Variants in MYO5B observed in about 807,000 individuals in gnomAD.
The protein encoded by MYO5B is myosin VB.
MYO5B carries 143 observed loss-of-function variants against 229.3 expected under a neutral mutation model. The observed-to-expected ratio is 0.62, with a 90% CI of 0.54 to 0.72. The LOEUF is 0.72. Among genes scored for constraint, MYO5B ranks in the 30% least tolerant of loss-of-function variants. The pLI, the probability that MYO5B is intolerant of heterozygous loss-of-function variation, is 0.00. For missense variants in MYO5B, 2,321 were observed against 2,331.0 expected (o/e 1.00, Z 0.09); for synonymous variants, 918 against 885.2 (o/e 1.04, Z -0.66).
chr18:50,150,275 C>T (rs531047557), intron 1 of MYO5B, among the ~76,000 whole-genome samples: 5 of 144,426 alleles, frequency 3.5e-5, no homozygotes, highest in South Asian at 4.8e-4. Context: ...GTCAGTGTGG[C>T]GATTCCTCAG....
intron 36 of MYO5B, among the ~76,000 whole-genome samples, chr18:49,838,901 A>G: frequency 6.6e-6 from 1 of 152,226 alleles, no homozygotes; most frequent in Non-Finnish European, 1.5e-5. Context: ...GGGAAAAAAT[A>G]CAACATATTA....
At chr18:49,908,982 G>A (rs768397709) in intron 18 of MYO5B, among the ~76,000 whole-genome samples, 3 of 152,196 alleles carry the variant, frequency 2.0e-5, no homozygotes, top group Non-Finnish European at 2.9e-5. Flanking sequence ...GCCTAACGAA[G>A]CAGCCCCCAG....
intron 1 of MYO5B, among the ~76,000 whole-genome samples, chr18:50,178,281 C>T (rs2033024710): frequency 1.3e-5 from 2 of 152,182 alleles, no homozygotes; most frequent in South Asian, 4.1e-4. Context: ...AGAATCAATG[C>T]CACTTCCCAC....
intron 2 of MYO5B, among the ~76,000 whole-genome samples, chr18:50,050,708 A>T (rs904311031): frequency 9.9e-5 from 15 of 152,182 alleles, no homozygotes; most frequent in Non-Finnish European, 2.9e-5. Context: ...ATTCTGAAAT[A>T]AGACAACAGT....
At chr18:50,176,932 A>T (rs1193103743) in intron 1 of MYO5B, among the ~76,000 whole-genome samples, 1 of 152,200 alleles carries the variant, frequency 6.6e-6, no homozygotes, top group Non-Finnish European at 1.5e-5. Context: ...GTTACATCTG[A>T]AGTCGTCTTA....
At chr18:49,898,966 T>A (rs982493764) in intron 21 of MYO5B, among the ~76,000 whole-genome samples, 2 of 152,210 alleles carry the variant, frequency 1.3e-5, no homozygotes, top group African/African-American at 2.4e-5. Context: ...ATCATGGTTA[T>A]CAGTGAATTT....
At chr18:49,857,114 G>T (rs2024272301) in intron 29 of MYO5B, among the ~76,000 whole-genome samples, 1 of 152,238 alleles carries the variant, frequency 6.6e-6, no homozygotes, top group Non-Finnish European at 1.5e-5. Context: ...GGTTCATGTG[G>T]TCTCATGTGG....
At chr18:50,141,321 C>T (rs1359813536) in intron 1 of MYO5B, among the ~76,000 whole-genome samples, 1 of 152,228 alleles carries the variant, frequency 6.6e-6, no homozygotes, top group African/African-American at 2.4e-5. Flanking sequence ...ATAAACCTCC[C>T]CTTAATTTAC....
chr18:50,193,564 A>T (rs549589936), intron 1 of MYO5B, among the ~76,000 whole-genome samples: 174 of 152,370 alleles, frequency 1.1e-3, no homozygotes, highest in African/African-American at 4.0e-3. Flanking sequence ...CGCGGAAGTG[A>T]CTGTTCCTAC....
intron 5 of MYO5B, among the ~76,000 whole-genome samples, chr18:49,994,523 G>T (rs967008032): frequency 2.6e-5 from 4 of 152,156 alleles, no homozygotes; most frequent in African/African-American, 9.7e-5. Flanking sequence ...AGTGTAGGGG[G>T]AGAAAGTACA....
intron 14 of MYO5B, among the ~76,000 whole-genome samples, chr18:49,938,100 G>C (rs2025271216): frequency 6.6e-6 from 1 of 152,162 alleles, no homozygotes. Flanking sequence ...TTTCCTTGTG[G>C]TGTGGTAGGA....
intron 1 of MYO5B, among the ~76,000 whole-genome samples, chr18:50,174,161 C>T (rs1168181987): frequency 6.6e-6 from 1 of 152,104 alleles, no homozygotes; most frequent in South Asian, 2.1e-4. Flanking sequence ...ATCAGTGACC[C>T]CACTCCCAGT....
intron 3 of MYO5B, among the ~76,000 whole-genome samples, chr18:50,039,434 C>T (rs899854460): frequency 8.5e-5 from 13 of 152,176 alleles, no homozygotes; most frequent in Admixed American, 5.9e-4. Flanking sequence ...CCGGTTCAAG[C>T]GATTCTCCTG....
intron 14 of MYO5B, among the ~76,000 whole-genome samples, chr18:49,952,619 T>C (rs1280761669): frequency 6.6e-6 from 1 of 152,130 alleles, no homozygotes; most frequent in Non-Finnish European, 1.5e-5. Flanking sequence ...GCTTAGTAAA[T>C]ATATGTTTGG....
chr18:50,046,780 C>A (rs903377615), intron 2 of MYO5B, among the ~76,000 whole-genome samples: 2 of 152,060 alleles, frequency 1.3e-5, no homozygotes, highest in East Asian at 3.9e-4. Context: ...TCAGAAATAA[C>A]GCCGCATATC....
intron 1 of MYO5B, among the ~76,000 whole-genome samples, chr18:50,092,184 G>A (rs1405802481): frequency 6.6e-6 from 1 of 152,212 alleles, no homozygotes; most frequent in Non-Finnish European, 1.5e-5. Flanking sequence ...GCCTTAAAGG[G>A]ATTTCAAGTA....
At chr18:50,108,707 T>C (rs916124800) in intron 1 of MYO5B, among the ~76,000 whole-genome samples, 1 of 152,284 alleles carries the variant, frequency 6.6e-6, no homozygotes, top group Middle Eastern at 3.4e-3. Flanking sequence ...TATCTCGGGT[T>C]CTAATAATAA....
intron 1 of MYO5B, among the ~76,000 whole-genome samples, chr18:50,145,497 CAAAAAAAAAAAAAAAAAAAAAAAAAAA>C (rs369507800): frequency 1.6e-4 from 11 of 70,000 alleles, no homozygotes; most frequent in South Asian, 4.6e-4. Context: ...GACTCCATCT[CAAAAAAAAAAAAAAAAAAAAAAAAAAA>C]AAAAAAAAAA....
intron 22 of MYO5B, 53 bp from the exon 23 acceptor site, chr18:49,880,508 G>C (rs2024574823): frequency 5.1e-6 from 7 of 1,375,378 alleles, no homozygotes; most frequent in Non-Finnish European, 6.2e-6. Flanking sequence ...AAGAGGAGAG[G>C]CTCCTCTTGT....
Sources: gnomAD v4.1 joint callset for allele counts (sites outside exome capture counted in the v4.1 genomes callset) on GRCh38, gnomAD v4.1.1 for gene constraint, MANE v1.5 for transcripts, NCBI Gene and HGNC (gene_info 2026-07-23, HGNC 2026-07-21) for gene names.